The following MLLT10 variants were observed in gnomAD, a reference collection of about 807,000 sequenced individuals.
The protein encoded by MLLT10 is protein AF-10.
A neutral mutation model predicts 129.1 loss-of-function variants in MLLT10; 30 were observed. The observed-to-expected ratio is 0.23, with a 90% CI of 0.17 to 0.32. MLLT10 has a LOEUF of 0.32. Among genes scored for constraint, MLLT10 ranks in the 10% least tolerant of loss-of-function variants. The probability of loss-of-function intolerance (pLI) is 1.00; values close to 1 mark genes in which losing one functional copy is unlikely to be tolerated. For synonymous variants in MLLT10, 490 were observed against 446.4 expected (o/e 1.10, Z -1.23); for missense variants, 1,119 against 1,268.3 (o/e 0.88, Z 1.79).
chr10:21,573,596 CT>C (rs869065926), intron 3 of MLLT10, among the ~76,000 whole-genome samples: 454 of 142,846 alleles, frequency 3.2e-3, no homozygotes, highest in Admixed American at 3.1e-3. Context: ...GTGTATTATT[CT>C]TTTTTTTTTT....
At chr10:21,542,758 G>A (rs2035408251) in intron 3 of MLLT10, among the ~76,000 whole-genome samples, 1 of 152,094 alleles carries the variant, frequency 6.6e-6, no homozygotes, top group African/African-American at 2.4e-5. Flanking sequence ...ACATGTGGTG[G>A]TGTACTTGTC....
intron 15 of MLLT10, among the ~76,000 whole-genome samples, chr10:21,727,066 GT>G (rs1190232525): frequency 1.3e-5 from 2 of 152,126 alleles, no homozygotes; most frequent in African/African-American, 4.8e-5. Flanking sequence ...AGTCATGCCT[GT>G]TTGGGGGAAG....
chr10:21,609,881 T>TCACA (rs773071011), intron 5 of MLLT10, among the ~76,000 whole-genome samples: 3 of 151,516 alleles, frequency 2.0e-5, no homozygotes, highest in African/African-American at 7.2e-5. Context: ...GTTTTCTCTC[T>TCACA]CACACACACA....
At chr10:21,696,118 A>T (rs768179967) in intron 13 of MLLT10, among the ~76,000 whole-genome samples, 2 of 151,938 alleles carry the variant, frequency 1.3e-5, no homozygotes, top group Admixed American at 6.6e-5. Context: ...TTCATACATT[A>T]TTGAGACAGG....
intron 13 of MLLT10, among the ~76,000 whole-genome samples, chr10:21,695,061 C>CTTTT (rs71393922): frequency 4.3e-4 from 45 of 104,026 alleles, no homozygotes; most frequent in Admixed American, 5.6e-4. Flanking sequence ...TTTCTACCTT[C>CTTTT]TTTTTTTTTT....
chr10:21,569,343 C>T (rs1410968975), intron 3 of MLLT10, among the ~76,000 whole-genome samples: 1 of 152,000 alleles, frequency 6.6e-6, no homozygotes, highest in Admixed American at 6.6e-5. Context: ...ATTAAGCCTC[C>T]ACCTCCTGGG....
Position 21,673,719 on chromosome 10 carries a change from G to C in MLLT10, c.1421G>C (p.Ser474Thr), listed in dbSNP as rs764904238. 11 of 1,614,006 alleles carry C rather than the reference G, an allele frequency of 6.8e-6. No individual in the cohort carries two copies. In the South Asian group the frequency reaches 1.2e-4, roughly 18 times the overall value. The part of the protein sequence containing the change: ...KEKKRKGNKQ[S>T]KHGPGRPKGN... Reference sequence around the variant, plus strand: ...AAGAAAAGGAAAGGAAATAAACAAAGTAAGCATGGGCCTGGCAGACCCAAA... The same window carrying C: ...AAGAAAAGGAAAGGAAATAAACAAACTAAGCATGGGCCTGGCAGACCCAAA... Residue 474 changes from serine to threonine, a missense_variant, in exon 11 of 23, where the codon AGT (serine) becomes ACT (threonine). Physicochemically the swap from Ser to Thr is moderately conservative, Grantham distance 58. Coordinates refer to ENST00000307729, the MANE Select transcript of MLLT10 (RefSeq NM_001195626.3).
intron 9 of MLLT10, among the ~76,000 whole-genome samples, chr10:21,666,343 T>A (rs979507564): frequency 1.3e-5 from 2 of 152,210 alleles, no homozygotes; most frequent in South Asian, 4.2e-4. Context: ...TTGTTACTAC[T>A]TTTGCTCTAT....
At chr10:21,682,192 T>G in intron 12 of MLLT10, 33 bp from the exon 13 acceptor site, 1 of 1,596,380 alleles carries the variant, frequency 6.3e-7, no homozygotes, top group African/African-American at 1.3e-5. Context: ...GAGAATGATC[T>G]TAACCTGAAG....
In MLLT10 at chr10:21,673,938, T is replaced by C. The variant is rs781087522; in HGVS notation, c.1621+19T>C. The C allele has an allele frequency of 6.5e-7, 1 of 1,533,126 alleles. No individual in the cohort carries two copies. The highest frequency in any genetic ancestry group is 1.3e-5 in the South Asian group (1 of 77,548). The allele number at this position is 1,533,126 out of a possible 1,614,324, so 95.0% of individuals were successfully genotyped here. A position where few individuals can be genotyped will look rare whatever the true frequency, so the allele number is the denominator to read the frequency against. On this transcript the variant is annotated intron_variant, in intron 11 of 22. Transcript: ENST00000307729. ...GGTTCAGGTAGGGGTTTGCCTATTA[T>C]TATTTTTCTCCTTCACTCCCACCAC... is the stretch of plus-strand genomic sequence containing the variant.
At chr10:21,685,391 A>G (rs1049261150) in intron 13 of MLLT10, among the ~76,000 whole-genome samples, 2 of 152,154 alleles carry the variant, frequency 1.3e-5, no homozygotes, top group Non-Finnish European at 2.9e-5. Flanking sequence ...CTGGAATGCA[A>G]TGGTGCCATC....
chr10:21,703,699 T>C (rs1268680838), intron 13 of MLLT10, among the ~76,000 whole-genome samples: 2 of 151,896 alleles, frequency 1.3e-5, no homozygotes, highest in Non-Finnish European at 2.9e-5. Context: ...TGTGCACCAC[T>C]ACCACCCGGC....
intron 11 of MLLT10, among the ~76,000 whole-genome samples, chr10:21,678,049 T>G (rs12250810): frequency 0.062 from 9,497 of 152,242 alleles, 1,000 homozygotes; most frequent in African/African-American, 0.22. Flanking sequence ...ACTTCCCCTC[T>G]GAGTGTTTAT....
At chr10:21,655,611 A>G (rs903988513) in intron 9 of MLLT10, among the ~76,000 whole-genome samples, 2 of 152,196 alleles carry the variant, frequency 1.3e-5, no homozygotes, top group African/African-American at 4.8e-5. Context: ...GAGGGCCTGT[A>G]GTTTGCTGTA....
chr10:21,606,242 A>G (rs1287601027), intron 5 of MLLT10, among the ~76,000 whole-genome samples: 1 of 152,202 alleles, frequency 6.6e-6, no homozygotes, highest in Non-Finnish European at 1.5e-5. Context: ...ATGTAGGCCA[A>G]TTAGTAACCC....
chr10:21,536,766 C>T (rs1004263841), intron 2 of MLLT10, among the ~76,000 whole-genome samples: 2 of 151,686 alleles, frequency 1.3e-5, no homozygotes, highest in Admixed American at 6.6e-5. Context: ...GGGATTTCAC[C>T]AGGTTGCCCA....
chr10:21,675,167 T>A (rs1048055385), intron 11 of MLLT10, among the ~76,000 whole-genome samples: 2 of 152,176 alleles, frequency 1.3e-5, no homozygotes, highest in African/African-American at 4.8e-5. Context: ...AAAGGTGAAA[T>A]AAGATACCCA....
intron 8 of MLLT10, among the ~76,000 whole-genome samples, chr10:21,634,004 C>T (rs988349214): frequency 1.3e-5 from 2 of 152,010 alleles, no homozygotes; most frequent in African/African-American, 4.8e-5. Flanking sequence ...CTTTGGGAAG[C>T]CAAGGTGGGT....
At chr10:21,552,658 C>A (rs2037276207) in intron 3 of MLLT10, among the ~76,000 whole-genome samples, 1 of 152,098 alleles carries the variant, frequency 6.6e-6, no homozygotes, top group Non-Finnish European at 1.5e-5. Flanking sequence ...TCCCAAAGTG[C>A]TAGGATTACA....
Sources: allele counts gnomAD v4.1 joint callset (sites outside exome capture counted in the v4.1 genomes callset), GRCh38; gene constraint gnomAD v4.1.1; transcripts MANE v1.5; gene names NCBI Gene and HGNC (gene_info 2026-07-23, HGNC 2026-07-21).